Variants in ODAD2 observed in about 807,000 individuals in gnomAD.
ODAD2 encodes the protein outer dynein arm-docking complex subunit 2.
ODAD2 carries 89 observed loss-of-function variants against 106.8 expected under a neutral mutation model. The ratio of observed to expected loss-of-function variants is 0.83; its 90% CI spans 0.70 to 0.99. The LOEUF (loss-of-function observed/expected upper bound fraction) is 0.99. Among genes scored for constraint, ODAD2 ranks in the 50% least tolerant of loss-of-function variants. The pLI is 0.00. For synonymous variants in ODAD2, 404 were observed against 436.2 expected (o/e 0.93, Z 0.92); for missense variants, 1,168 against 1,238.5 (o/e 0.94, Z 0.85).
chr10:27,828,854 T>C (rs1442630243), intron 19 of ODAD2, among the ~76,000 whole-genome samples: 2 of 152,184 alleles, frequency 1.3e-5, no homozygotes, highest in Non-Finnish European at 2.9e-5. Flanking sequence ...CTGAGAATTC[T>C]CTAAATTATA....
At chr10:27,954,559 T>C (rs1463602376) in intron 10 of ODAD2, among the ~76,000 whole-genome samples, 1 of 152,228 alleles carries the variant, frequency 6.6e-6, no homozygotes, top group African/African-American at 2.4e-5. Flanking sequence ...TCCCCTGAGA[T>C]TTTTAACATT....
chr10:27,888,098 T>C (rs2133673624), intron 17 of ODAD2, among the ~76,000 whole-genome samples: 1 of 152,220 alleles, frequency 6.6e-6, no homozygotes, highest in East Asian at 1.9e-4. Context: ...ATCTTTGCTA[T>C]TGTGAAATAG....
intron 10 of ODAD2, among the ~76,000 whole-genome samples, chr10:27,952,586 C>T (rs911105815): frequency 6.6e-6 from 1 of 152,066 alleles, no homozygotes; most frequent in Non-Finnish European, 1.5e-5. Context: ...TGTGTTGTTA[C>T]CCTCCCTGTG....
At chr10:27,906,435 T>C (rs929612913) in intron 17 of ODAD2, among the ~76,000 whole-genome samples, 2 of 152,196 alleles carry the variant, frequency 1.3e-5, no homozygotes, top group Non-Finnish European at 2.9e-5. Flanking sequence ...AGTTCTACCA[T>C]TGTGGAAGAC....
chr10:27,997,681 G>GCCTATGACAAT (rs1305639274), intron 1 of ODAD2, among the ~76,000 whole-genome samples: 2 of 152,136 alleles, frequency 1.3e-5, no homozygotes, highest in Non-Finnish European at 2.9e-5. Flanking sequence ...CCTCAGGGTG[G>GCCTATGACAAT]CCTATGACAA....
chr10:27,841,817 C>T (rs1174217392), intron 19 of ODAD2, among the ~76,000 whole-genome samples: 2 of 152,038 alleles, frequency 1.3e-5, no homozygotes, highest in Admixed American at 1.3e-4. Context: ...TATGGTAGTG[C>T]ATTCACAGCT....
chr10:27,946,039 G>C (rs1282849376), intron 10 of ODAD2, among the ~76,000 whole-genome samples: 1 of 148,988 alleles, frequency 6.7e-6, no homozygotes, highest in African/African-American at 2.5e-5. Context: ...TATACAAATA[G>C]ATTATATATA....
chr10:27,918,333 T>G (rs1288672250), intron 16 of ODAD2, among the ~76,000 whole-genome samples: 1 of 150,766 alleles, frequency 6.6e-6, no homozygotes, highest in African/African-American at 2.4e-5. Flanking sequence ...ATCAGAGTGA[T>G]TTTATCCAAG....
chr10:27,830,572 G>A (rs995830179), intron 19 of ODAD2, among the ~76,000 whole-genome samples: 2 of 152,120 alleles, frequency 1.3e-5, no homozygotes, highest in African/African-American at 2.4e-5. Flanking sequence ...AATATCATAC[G>A]TGCATTTCAG....
intron 7 of ODAD2, among the ~76,000 whole-genome samples, chr10:27,980,534 A>C (rs1263519407): frequency 2.0e-5 from 3 of 152,164 alleles, no homozygotes; most frequent in Admixed American, 1.3e-4. Context: ...ATTTCTTCAA[A>C]AAAGATATAC....
chr10:27,849,698 C>T (rs557839491), intron 19 of ODAD2, among the ~76,000 whole-genome samples: 25 of 152,178 alleles, frequency 1.6e-4, no homozygotes, highest in African/African-American at 4.8e-4. Context: ...ATTCTTAATT[C>T]CTACTGAAGA....
Position 27,944,810 on chromosome 10 carries a change from A to T in ODAD2, c.1533+6T>A, listed in dbSNP as rs1323971082. ...ACTCCGCATCCAAGGTGACAGAGCC[A>T]CTCACCTTACATTTGACTTCATCGG... On this transcript the variant is annotated splice_donor_region_variant and intron_variant, in intron 11 of 19. Transcript: ENST00000305242. 6.2e-7 allele frequency: 1 copy of T among 1,614,088 alleles called. No homozygotes were observed. The highest frequency in any genetic ancestry group is 1.1e-5 in the South Asian group (1 of 91,070).
intron 16 of ODAD2, among the ~76,000 whole-genome samples, chr10:27,926,884 T>C (rs1316375096): frequency 6.6e-6 from 1 of 152,094 alleles, no homozygotes; most frequent in Non-Finnish European, 1.5e-5. Flanking sequence ...CCAGATTACC[T>C]CCAGATAAAT....
At chr10:27,900,142 T>C (rs1843101454) in intron 17 of ODAD2, among the ~76,000 whole-genome samples, 1 of 152,198 alleles carries the variant, frequency 6.6e-6, no homozygotes, top group Non-Finnish European at 1.5e-5. Flanking sequence ...TTTGCTGTTC[T>C]GCAGCCTCCG....
chr10:27,939,806 C>T (rs1590079185), intron 14 of ODAD2, 91 bp downstream of exon 14: 1 of 582,594 alleles, frequency 1.7e-6, no homozygotes, highest in Non-Finnish European at 2.9e-6. Flanking sequence ...TTCCTGAGTC[C>T]CATTCTCACA....
intron 9 of ODAD2, among the ~76,000 whole-genome samples, chr10:27,963,473 A>G (rs1246005025): frequency 1.3e-5 from 2 of 152,214 alleles, no homozygotes; most frequent in African/African-American, 4.8e-5. Flanking sequence ...ACTTTTGCCA[A>G]TCACATATTA....
chr10:27,914,609 C>A (rs1394814390), intron 16 of ODAD2, among the ~76,000 whole-genome samples: 1 of 151,904 alleles, frequency 6.6e-6, no homozygotes, highest in Non-Finnish European at 1.5e-5. Flanking sequence ...CCTTTAATGA[C>A]CAATTTGTGG....
chr10:27,867,627 T>G (rs1005842463), intron 17 of ODAD2, among the ~76,000 whole-genome samples: 1 of 152,146 alleles, frequency 6.6e-6, no homozygotes, highest in Non-Finnish European at 1.5e-5. Flanking sequence ...ATCTCCCTTC[T>G]AAAAGACCAG....
intron 17 of ODAD2, among the ~76,000 whole-genome samples, chr10:27,903,144 C>T (rs1843330469): frequency 6.6e-6 from 1 of 152,180 alleles, no homozygotes; most frequent in African/African-American, 2.4e-5. Flanking sequence ...GCTGGTTCAA[C>T]ATATGCAAAT....
Sources: gnomAD v4.1 joint callset for allele counts (sites outside exome capture counted in the v4.1 genomes callset) on GRCh38, gnomAD v4.1.1 for gene constraint, MANE v1.5 for transcripts, NCBI Gene and HGNC (gene_info 2026-07-23, HGNC 2026-07-21) for gene names.